Variants in CFAP96 observed in about 807,000 individuals in gnomAD.
CFAP96 encodes the protein cilia and flagella associated protein 96.
the CFAP96 span, among the ~76,000 whole-genome samples, chr4:185,423,786 AT>A: frequency 3.3e-5 from 5 of 152,134 alleles, no homozygotes; most frequent in Non-Finnish European, 7.4e-5. Context: ...ACAGATACAC[AT>A]ATTCATACAT....
At chr4:185,422,337 C>CT in the CFAP96 span, 4 of 643,736 alleles carry the variant, frequency 6.2e-6, no homozygotes, top group East Asian at 1.2e-4. Flanking sequence ...AACACAGTGT[C>CT]TAAGTGTAAG....
chr4:185,432,351 G>A, the CFAP96 span: 1 of 627,442 alleles, frequency 1.6e-6, no homozygotes, highest in South Asian at 2.2e-5. Flanking sequence ...TGTATTGGAT[G>A]ATTTAGATTG....
At chr4:185,415,148 G>C in the CFAP96 span, 1 of 1,570,718 alleles carries the variant, frequency 6.4e-7, no homozygotes, top group Admixed American at 2.2e-5. Flanking sequence ...AGATGAACTG[G>C]TTTTACCTTC....
chr4:185,428,586 A>C, the CFAP96 span, among the ~76,000 whole-genome samples: 26 of 150,026 alleles, frequency 1.7e-4, no homozygotes, highest in African/African-American at 5.6e-4. Flanking sequence ...ACAACAACAA[A>C]AAAAAAAGAG....
At chr4:185,437,128 A>T in the CFAP96 span, among the ~76,000 whole-genome samples, 2 of 152,188 alleles carry the variant, frequency 1.3e-5, no homozygotes, top group African/African-American at 4.8e-5. Flanking sequence ...TGGAGGCGTG[A>T]TGGGAAAAGG....
the CFAP96 span, among the ~76,000 whole-genome samples, chr4:185,447,883 T>G: frequency 6.6e-6 from 1 of 152,250 alleles, no homozygotes; most frequent in Non-Finnish European, 1.5e-5. Flanking sequence ...TGAGATGCTA[T>G]TATAAGTGAG....
At chr4:185,443,389 G>A in the CFAP96 span, among the ~76,000 whole-genome samples, 128 of 116,866 alleles carry the variant, frequency 1.1e-3, no homozygotes, top group Middle Eastern at 6.6e-3. Context: ...TGTTGCCCAG[G>A]CTGGAGTGCA....
chr4:185,436,205 G>C, the CFAP96 span: 1 of 1,545,476 alleles, frequency 6.5e-7, no homozygotes, highest in Admixed American at 2.0e-5. Flanking sequence ...TTAATACTTT[G>C]TCATATCGTT....
the CFAP96 span, among the ~76,000 whole-genome samples, chr4:185,429,798 G>A: frequency 6.6e-6 from 1 of 152,052 alleles, no homozygotes; most frequent in Non-Finnish European, 1.5e-5. Context: ...AGCCTCCTGA[G>A]TCTACAGGCA....
the CFAP96 span, among the ~76,000 whole-genome samples, chr4:185,439,897 A>G: frequency 6.8e-6 from 1 of 147,954 alleles, no homozygotes; most frequent in Admixed American, 6.8e-5. Context: ...CATATCTCAC[A>G]TATACACATA....
chr4:185,449,094 A>G, the CFAP96 span, among the ~76,000 whole-genome samples: 1 of 152,246 alleles, frequency 6.6e-6, no homozygotes, highest in South Asian at 2.1e-4. Flanking sequence ...TCCTTCTTAA[A>G]TTGTATCTTC....
chr4:185,415,355 G>A, the CFAP96 span: 3 of 1,563,460 alleles, frequency 1.9e-6, no homozygotes, highest in South Asian at 2.4e-5. Flanking sequence ...ACTCTGTGGG[G>A]GGAAATATAT....
At chr4:185,449,659 G>A in the CFAP96 span, 41 of 1,516,542 alleles carry the variant, frequency 2.7e-5, 1 homozygote, top group Non-Finnish European at 3.0e-5. Flanking sequence ...TGGAAGACAA[G>A]TAGCTTTCTA....
At chr4:185,416,376 A>T in the CFAP96 span, among the ~76,000 whole-genome samples, 1 of 152,236 alleles carries the variant, frequency 6.6e-6, no homozygotes, top group African/African-American at 2.4e-5. Flanking sequence ...ACATATAACT[A>T]TATACCCCTG....
At chr4:185,421,061 G>C in the CFAP96 span, among the ~76,000 whole-genome samples, 2 of 152,192 alleles carry the variant, frequency 1.3e-5, no homozygotes, top group Non-Finnish European at 2.9e-5. Flanking sequence ...GCCTGAAAAT[G>C]AGTGATTTAG....
the CFAP96 span, among the ~76,000 whole-genome samples, chr4:185,446,435 C>A: frequency 2.0e-3 from 301 of 152,120 alleles, no homozygotes; most frequent in Non-Finnish European, 1.7e-3. Flanking sequence ...TGAGAAGATT[C>A]TGTGGTCCCT....
At chr4:185,412,096 C>G in the CFAP96 span, among the ~76,000 whole-genome samples, 1 of 151,036 alleles carries the variant, frequency 6.6e-6, no homozygotes, top group Admixed American at 6.6e-5. Flanking sequence ...TAGGGAGGAG[C>G]TCCCTGGTAT....
the CFAP96 span, among the ~76,000 whole-genome samples, chr4:185,426,618 G>T: frequency 2.6e-5 from 4 of 152,222 alleles, no homozygotes; most frequent in Admixed American, 2.6e-4. Flanking sequence ...CTTGCGGGCA[G>T]CATCTATGCC....
chr4:185,443,915 ATCTTTCTTTTTTTT>A, the CFAP96 span, among the ~76,000 whole-genome samples: 1 of 122,556 alleles, frequency 8.2e-6, no homozygotes, highest in Non-Finnish European at 1.7e-5. Flanking sequence ...TTATAACTAT[ATCTTTCTTTTTTTT>A]TTTTTTTTTT....
Sources: allele counts gnomAD v4.1 joint callset (sites outside exome capture counted in the v4.1 genomes callset), GRCh38; gene constraint gnomAD v4.1.1; transcripts MANE v1.5; gene names NCBI Gene and HGNC (gene_info 2026-07-23, HGNC 2026-07-21).